Variants in TASP1 observed in about 807,000 individuals in gnomAD.
The protein encoded by TASP1 is threonine aspartase 1.
TASP1 carries 16 observed loss-of-function variants against 56.6 expected under a neutral mutation model. That is an observed-to-expected ratio of 0.28 (90% CI 0.19 to 0.43). TASP1 has a LOEUF of 0.43. Among genes scored for constraint, TASP1 ranks in the 20% least tolerant of loss-of-function variants. The pLI, the probability that TASP1 is intolerant of heterozygous loss-of-function variation, is 1.00. For synonymous variants in TASP1, 179 were observed against 184.2 expected, an observed-to-expected ratio of 0.97 and a Z score of 0.23; for missense variants, 393 against 511.6, an observed-to-expected ratio of 0.77 and a Z score of 2.24.
At chr20:13,139,268 T>G in the TASP1 span, among the ~76,000 whole-genome samples, 1 of 152,196 alleles carries the variant, frequency 6.6e-6, no homozygotes, top group South Asian at 2.1e-4. Context: ...TAAAGGGGTA[T>G]TGGGATTTTG....
intron 4 of TASP1, among the ~76,000 whole-genome samples, chr20:13,620,736 C>T (rs528127416): frequency 5.3e-4 from 81 of 152,292 alleles, no homozygotes; most frequent in African/African-American, 1.8e-3. Context: ...TTAAATATAA[C>T]ACATTGTTAA....
chr20:13,588,317 A>AAAGGAAGGAAGGAAGG (rs147823593), intron 4 of TASP1, among the ~76,000 whole-genome samples: 1 of 113,718 alleles, frequency 8.8e-6, no homozygotes, highest in African/African-American at 2.9e-5. Flanking sequence ...AAGAGAAAGA[A>AAAGGAAGGAAGGAAGG]AAGGAAGGAA....
At chr20:13,126,478 G>C in the TASP1 span, 2 of 1,253,716 alleles carry the variant, frequency 1.6e-6, no homozygotes, top group Non-Finnish European at 2.2e-6. Context: ...CATCTTTTGA[G>C]CATGAGATCA....
chr20:13,117,472 T>G, the TASP1 span: 1 of 1,530,308 alleles, frequency 6.5e-7, no homozygotes, highest in South Asian at 1.3e-5. Flanking sequence ...AGGAGGGTAT[T>G]TGTTAGTTAT....
chr20:13,118,375 G>T, the TASP1 span, among the ~76,000 whole-genome samples: 1 of 141,552 alleles, frequency 7.1e-6, no homozygotes, highest in South Asian at 2.3e-4. Context: ...TAAAAATTCT[G>T]ATCTGCTGGG....
At chr20:13,399,437 T>C (rs2041658118) in intron 13 of TASP1, among the ~76,000 whole-genome samples, 1 of 152,186 alleles carries the variant, frequency 6.6e-6, no homozygotes. Context: ...TTTCTGCTAC[T>C]TCCCCTCAAG....
intron 9 of TASP1, 129 bp downstream of exon 9, chr20:13,533,890 ATAC>A (rs778545978): frequency 9.3e-6 from 10 of 1,072,500 alleles, no homozygotes; most frequent in African/African-American, 1.6e-5. Flanking sequence ...TTGATGATTT[ATAC>A]TACATGTTAA....
At chr20:13,317,731 A>C in the TASP1 span, among the ~76,000 whole-genome samples, 1 of 152,154 alleles carries the variant, frequency 6.6e-6, no homozygotes, top group Non-Finnish European at 1.5e-5. Flanking sequence ...AAAAGTGAGC[A>C]TTCACATGCA....
the TASP1 span, among the ~76,000 whole-genome samples, chr20:13,216,752 C>T: frequency 6.6e-6 from 1 of 152,122 alleles, no homozygotes; most frequent in Non-Finnish European, 1.5e-5. Context: ...CTTGGGCAAA[C>T]GTAGGGGTCA....
intron 11 of TASP1, among the ~76,000 whole-genome samples, chr20:13,447,234 A>AT (rs1184040143): frequency 3.9e-5 from 6 of 152,158 alleles, no homozygotes; most frequent in Non-Finnish European, 5.9e-5. Flanking sequence ...TACTAATCTG[A>AT]TACATGAAAA....
chr20:13,296,618 C>T, the TASP1 span, among the ~76,000 whole-genome samples: 4 of 152,170 alleles, frequency 2.6e-5, no homozygotes, highest in African/African-American at 9.7e-5. Flanking sequence ...AAGCCAGTCT[C>T]TTTCCAAAAG....
chr20:13,118,455 A>G, the TASP1 span, among the ~76,000 whole-genome samples: 1 of 151,256 alleles, frequency 6.6e-6, no homozygotes, highest in African/African-American at 2.4e-5. Context: ...TGTGGAAAAA[A>G]AAAACAAAAA....
the TASP1 span, among the ~76,000 whole-genome samples, chr20:13,123,684 G>A: frequency 6.6e-6 from 1 of 152,120 alleles, no homozygotes; most frequent in Admixed American, 6.5e-5. Flanking sequence ...TCCATTCTAT[G>A]CCCATAAGAT....
intron 13 of TASP1, chr20:13,393,412 A>G (rs1319963554): frequency 2.6e-6 from 2 of 757,858 alleles, no homozygotes; most frequent in East Asian, 2.6e-5. Flanking sequence ...GACCTGACCT[A>G]CCGTCTGGAG....
At chr20:13,221,467 T>TCCG in the TASP1 span, among the ~76,000 whole-genome samples, 7 of 142,020 alleles carry the variant, frequency 4.9e-5, no homozygotes, top group East Asian at 2.2e-4. Flanking sequence ...AGTCTCCGTC[T>TCCG]CCGCCGCCGC....
At chr20:13,298,846 G>A in the TASP1 span, 1 of 1,254,720 alleles carries the variant, frequency 8.0e-7, no homozygotes, top group Non-Finnish European at 1.1e-6. Context: ...CCTCCTGCGG[G>A]CCCTCAGGAG....
the TASP1 span, among the ~76,000 whole-genome samples, chr20:13,267,466 T>A: frequency 1.3e-5 from 2 of 152,166 alleles, no homozygotes; most frequent in Admixed American, 1.3e-4. Flanking sequence ...TCCCTTTCCA[T>A]GTGTAGACAC....
chr20:13,138,794 G>A, the TASP1 span, among the ~76,000 whole-genome samples: 1 of 152,088 alleles, frequency 6.6e-6, no homozygotes, highest in African/African-American at 2.4e-5. Flanking sequence ...CTAGGGATTT[G>A]TCTAGACACC....
the TASP1 span, among the ~76,000 whole-genome samples, chr20:13,342,661 C>T: frequency 2.0e-5 from 3 of 152,222 alleles, no homozygotes; most frequent in Non-Finnish European, 4.4e-5. Context: ...GCGGAACTCC[C>T]AGCCCTCAGA....
Sources: gnomAD v4.1 joint callset for allele counts (sites outside exome capture counted in the v4.1 genomes callset) on GRCh38, gnomAD v4.1.1 for gene constraint, MANE v1.5 for transcripts, NCBI Gene and HGNC (gene_info 2026-07-23, HGNC 2026-07-21) for gene names.